METAP1D: variants seen among roughly 807,000 people sequenced by gnomAD.
The protein encoded by METAP1D is methionyl aminopeptidase type 1D, mitochondrial.
In METAP1D, 31 loss-of-function variants were observed where a neutral mutation model predicts 40.5. That is an observed-to-expected ratio of 0.77 (90% CI 0.58 to 1.03). The LOEUF (loss-of-function observed/expected upper bound fraction) is 1.03. Ranked by LOEUF, METAP1D falls within the 50% of genes least tolerant of loss-of-function variation. METAP1D has a pLI of 0.00. For synonymous variants in METAP1D, 151 were observed against 146.4 expected (o/e 1.03, Z -0.22); for missense variants, 411 against 420.7 (o/e 0.98, Z 0.20).
At chr2:172,079,726 A>G (rs72877582) in intron 8 of METAP1D, among the ~76,000 whole-genome samples, 5,113 of 152,308 alleles carry the variant, frequency 0.034, 116 homozygotes, top group Non-Finnish European at 0.051. Context: ...GTGAAATAAG[A>G]AAATTGTTAT....
chr2:172,016,300 A>AAAAAT lies in METAP1D; in HGVS notation c.40+16292_40+16293insAAATA, dbSNP rs1553490378. Among the ~76,000 whole-genome samples the AAAAAT allele has an allele frequency of 4.6e-3, 183 of 40,034 alleles. 7 individuals are homozygous for AAAAAT. Among genetic ancestry groups the AAAAAT allele is most frequent in the Non-Finnish European group, 5.8e-3 (127 of 21,782 alleles). 26.3% of individuals were successfully genotyped at this position (40,034 alleles called of 152,430 possible). A position where few individuals can be genotyped will look rare whatever the true frequency, so the allele number is the denominator to read the frequency against. ...CAAAAAAAAAAAAAAAAAAAAAAAA[A>AAAAAT]ATATATATATATATATATATATATA... On this transcript the variant is annotated intron_variant, in intron 1 of 9. Transcript: ENST00000315796.
chr2:172,005,226 T>G (rs886891785), intron 1 of METAP1D, among the ~76,000 whole-genome samples: 1 of 152,046 alleles, frequency 6.6e-6, no homozygotes, highest in Non-Finnish European at 1.5e-5. Flanking sequence ...GATGAATACT[T>G]TAGAAGTGAA....
At chr2:172,079,969 C>T (rs190387131) in intron 8 of METAP1D, among the ~76,000 whole-genome samples, 159 bp from the exon 9 acceptor site, 1 of 152,210 alleles carries the variant, frequency 6.6e-6, no homozygotes, top group African/African-American at 2.4e-5. Context: ...ACTATGTAAG[C>T]AACATCAATT....
At chr2:172,058,871 C>T (rs1205059118) in intron 1 of METAP1D, among the ~76,000 whole-genome samples, 1 of 152,150 alleles carries the variant, frequency 6.6e-6, no homozygotes, top group Admixed American at 6.5e-5. Flanking sequence ...GCATCAGTGC[C>T]TTTCCCCAAG....
chr2:172,053,796 G>A (rs1292539120), intron 1 of METAP1D, among the ~76,000 whole-genome samples: 1 of 152,182 alleles, frequency 6.6e-6, no homozygotes, highest in Admixed American at 6.5e-5. Flanking sequence ...TTTCTACCCA[G>A]ATATTTGATA....
chr2:172,064,710 TATG>T (rs1189763286), intron 3 of METAP1D, among the ~76,000 whole-genome samples: 1 of 150,908 alleles, frequency 6.6e-6, no homozygotes, highest in Non-Finnish European at 1.5e-5. Flanking sequence ...AAAAGAAAAA[TATG>T]AGCCTATTTT....
chr2:172,041,910 C>G lies in METAP1D; in HGVS notation c.41-19588C>G, dbSNP rs1471692461. On this transcript the variant is annotated intron_variant, in intron 1 of 9. Transcript: ENST00000315796. The stretch of plus-strand genomic sequence containing the variant: ...CCGCCTCCCACATTCAAGCAATTCT[C>G]CTGCCTCAGCCTCCCCAGTAGCTGG... Among the ~76,000 whole-genome samples the G allele has an allele frequency of 3.4e-5, 4 of 119,280 alleles. 2 individuals carry two copies. The highest frequency in any genetic ancestry group is 7.8e-5 in the Non-Finnish European group (4 of 51,102). 78.3% of individuals were successfully genotyped at this position (119,280 alleles called of 152,430 possible). A position where few individuals can be genotyped will look rare whatever the true frequency, so the allele number is the denominator to read the frequency against.
At chr2:172,045,825 A>ATG (rs1689748394) in intron 1 of METAP1D, among the ~76,000 whole-genome samples, 1 of 56,206 alleles carries the variant, frequency 1.8e-5, no homozygotes, top group African/African-American at 7.2e-5. Flanking sequence ...GTGTGTATAT[A>ATG]TATATATATA....
In METAP1D at chr2:172,016,275, C is replaced by CAAAAA. The variant is rs1172458646; in HGVS notation, c.40+16288_40+16292dup. ...TGGGTGACAGAGTGAGACCCTGTCT[C>CAAAAA]AAAAAAAAAAAAAAAAAAAAAAAAA... On this transcript the variant is annotated intron_variant, in intron 1 of 9. Transcript: ENST00000315796. Among the ~76,000 whole-genome samples, 97 of 9,722 alleles carry CAAAAA rather than the reference C, an allele frequency of 1.0e-2. 19 individuals are homozygous for CAAAAA. The highest frequency in any genetic ancestry group is 0.03 in the African/African-American group (53 of 1,748). 6.4% of individuals were successfully genotyped at this position (9,722 alleles called of 152,430 possible).
intron 1 of METAP1D, among the ~76,000 whole-genome samples, chr2:172,006,988 G>A (rs1057335699): frequency 6.6e-6 from 1 of 151,866 alleles, no homozygotes; most frequent in African/African-American, 2.4e-5. Context: ...TTTCCCACCT[G>A]TTCACTCATT....
chr2:172,024,460 C>A (rs1031792712), intron 1 of METAP1D, among the ~76,000 whole-genome samples: 1 of 152,210 alleles, frequency 6.6e-6, no homozygotes, highest in East Asian at 1.9e-4. Flanking sequence ...AAGAATAATT[C>A]TGAGAAACCC....
intron 1 of METAP1D, among the ~76,000 whole-genome samples, chr2:172,027,504 GT>G: frequency 6.6e-6 from 1 of 152,194 alleles, no homozygotes; most frequent in Non-Finnish European, 1.5e-5. Context: ...GTTTGTGTAA[GT>G]ACCCTTTAGG....
At chr2:172,001,169 G>A (rs1243553791) in intron 1 of METAP1D, among the ~76,000 whole-genome samples, 2 of 151,984 alleles carry the variant, frequency 1.3e-5, no homozygotes, top group African/African-American at 4.8e-5. Flanking sequence ...TCATTTCTCG[G>A]TACTGCATGA....
At chr2:172,065,854 C>A (rs932199913) in intron 4 of METAP1D, 102 bp downstream of exon 4, 14 of 1,227,366 alleles carry the variant, frequency 1.1e-5, no homozygotes, top group Non-Finnish European at 1.6e-5. Flanking sequence ...TGAAACCCAC[C>A]GGTAAACTTC....
At chr2:172,076,436 G>C (rs1464314497) in intron 6 of METAP1D, among the ~76,000 whole-genome samples, 1 of 152,062 alleles carries the variant, frequency 6.6e-6, no homozygotes, top group African/African-American at 2.4e-5. Context: ...AAAACACCTT[G>C]GGAAACACCA....
chr2:172,025,991 C>G (rs1334658339), intron 1 of METAP1D, among the ~76,000 whole-genome samples: 3 of 152,044 alleles, frequency 2.0e-5, no homozygotes, highest in Non-Finnish European at 4.4e-5. Flanking sequence ...GATGGTTAAA[C>G]CTTACCAAAT....
At chr2:172,045,727 G>GTATA (rs1391986739) in intron 1 of METAP1D, among the ~76,000 whole-genome samples, 5 of 82,112 alleles carry the variant, frequency 6.1e-5, no homozygotes, top group South Asian at 3.8e-4. Flanking sequence ...GTGTGTGTGT[G>GTATA]TGTGTATATA....
intron 2 of METAP1D, among the ~76,000 whole-genome samples, chr2:172,063,049 A>C (rs1690173108): frequency 6.6e-6 from 1 of 152,240 alleles, no homozygotes; most frequent in South Asian, 2.1e-4. Context: ...AATGGTCTGC[A>C]AAAGTGATCA....
At chr2:172,032,771 T>C (rs190439214) in intron 1 of METAP1D, among the ~76,000 whole-genome samples, 8 of 152,090 alleles carry the variant, frequency 5.3e-5, no homozygotes, top group Admixed American at 2.6e-4. Flanking sequence ...GCCAAAAAAA[T>C]TGAACTTGAG....
Sources: allele counts gnomAD v4.1 joint callset (sites outside exome capture counted in the v4.1 genomes callset), GRCh38; gene constraint gnomAD v4.1.1; transcripts MANE v1.5; gene names NCBI Gene and HGNC (gene_info 2026-07-23, HGNC 2026-07-21).